The following KDM4C variants were observed in gnomAD, a reference collection of about 807,000 sequenced individuals.
KDM4C encodes lysine demethylase 4C, also known as lysine-specific demethylase 4C.
In KDM4C, 81 loss-of-function variants were observed where a neutral mutation model predicts 129.3. The observed-to-expected ratio is 0.63, with a 90% CI of 0.52 to 0.75. The LOEUF (loss-of-function observed/expected upper bound fraction) is 0.75, where lower values mean the gene tolerates loss of function less well. Among genes scored for constraint, KDM4C ranks in the 30% least tolerant of loss-of-function variants. KDM4C has a pLI of 0.00. For missense variants in KDM4C, 1,457 were observed against 1,304.0 expected (o/e 1.12, Z -1.81); for synonymous variants, 573 against 456.1 (o/e 1.26, Z -3.26).
At chr9:6,802,622 CTTAT>C (rs201281143) in intron 2 of KDM4C, among the ~76,000 whole-genome samples, 2 of 152,048 alleles carry the variant, frequency 1.3e-5, no homozygotes, top group East Asian at 1.9e-4. Flanking sequence ...GTTACATTTG[CTTAT>C]TTATTTATTT....
chr9:7,077,047 C>T (rs552752201), intron 17 of KDM4C: 16 of 985,312 alleles, frequency 1.6e-5, no homozygotes, highest in South Asian at 4.7e-5. Context: ...AGCAACTGAA[C>T]GTATTTTGAG....
At chr9:6,969,911 T>TG (rs1394126729) in intron 8 of KDM4C, among the ~76,000 whole-genome samples, 2 of 152,238 alleles carry the variant, frequency 1.3e-5, no homozygotes, top group Non-Finnish European at 2.9e-5. Flanking sequence ...CTCAGGCAGT[T>TG]GTTTCCCATG....
intron 17 of KDM4C, among the ~76,000 whole-genome samples, chr9:7,081,641 A>G (rs1340912777): frequency 2.0e-5 from 3 of 152,238 alleles, no homozygotes; most frequent in Admixed American, 1.3e-4. Flanking sequence ...ATTTCTTTGG[A>G]AAAACATTAA....
intron 8 of KDM4C, among the ~76,000 whole-genome samples, chr9:6,959,213 T>C (rs1489685950): frequency 6.6e-6 from 1 of 152,228 alleles, no homozygotes; most frequent in Non-Finnish European, 1.5e-5. Context: ...GTTTTCTTCA[T>C]GGTTTTATCG....
intron 4 of KDM4C, among the ~76,000 whole-genome samples, chr9:6,824,077 G>A (rs1413794415): frequency 6.6e-6 from 1 of 152,216 alleles, no homozygotes; most frequent in Non-Finnish European, 1.5e-5. Flanking sequence ...AACTGAAACA[G>A]TTCTGTTGGT....
chr9:7,151,477 A>G (rs1010902496), intron 19 of KDM4C, among the ~76,000 whole-genome samples: 9 of 152,086 alleles, frequency 5.9e-5, no homozygotes, highest in African/African-American at 2.2e-4. Flanking sequence ...GTGCCCAGCT[A>G]TGTTGCTGGG....
At chr9:6,761,252 G>GCC (rs1819436367) in intron 1 of KDM4C, among the ~76,000 whole-genome samples, 1 of 151,858 alleles carries the variant, frequency 6.6e-6, no homozygotes, top group Non-Finnish European at 1.5e-5. Flanking sequence ...CAGGTGATCC[G>GCC]CCCACCTTGG....
At chr9:6,790,626 AT>A (rs1188876508) in intron 1 of KDM4C, among the ~76,000 whole-genome samples, 5 of 124,796 alleles carry the variant, frequency 4.0e-5, no homozygotes, top group African/African-American at 1.6e-4. Flanking sequence ...CTCATTTCTA[AT>A]TTTTCTGTCA....
intron 15 of KDM4C, among the ~76,000 whole-genome samples, chr9:7,033,324 A>G (rs564961811): frequency 1.7e-4 from 26 of 152,234 alleles, no homozygotes; most frequent in African/African-American, 5.8e-4. Flanking sequence ...TGCTTTTGCT[A>G]TCTTATTCTT....
chr9:6,829,828 C>G lies in KDM4C; in HGVS notation c.435+15083C>G, dbSNP rs148479143. Among the ~76,000 whole-genome samples the G allele has an allele frequency of 5.6e-3, 856 of 152,232 alleles. 10 individuals carry two copies. The highest frequency in any genetic ancestry group is 0.02 in the African/African-American group (818 of 41,536). On this transcript the variant is annotated intron_variant, in intron 4 of 21. Transcript: ENST00000381309. ...TTGATAAGGTATATCTATTGGAAGC[C>G]CAGTTCCTGCTTTGGGCCTGCTGTT...
At chr9:6,773,122 C>T (rs376060367) in intron 1 of KDM4C, among the ~76,000 whole-genome samples, 23 of 151,974 alleles carry the variant, frequency 1.5e-4, no homozygotes, top group African/African-American at 5.6e-4. Flanking sequence ...GCCTCAGCCT[C>T]CTGAGTAACT....
intron 8 of KDM4C, among the ~76,000 whole-genome samples, chr9:6,906,921 G>C (rs892524195): frequency 6.6e-6 from 1 of 152,202 alleles, no homozygotes; most frequent in Admixed American, 6.5e-5. Context: ...TATGGGTGAC[G>C]TAGATAGGTA....
At chr9:6,808,184 T>C in intron 3 of KDM4C, among the ~76,000 whole-genome samples, 1 of 66,954 alleles carries the variant, frequency 1.5e-5, no homozygotes, top group Admixed American at 1.3e-4. Context: ...CCACCCCGTC[T>C]GGGAGGTGTG....
intron 8 of KDM4C, among the ~76,000 whole-genome samples, chr9:6,980,163 T>G (rs913267086): frequency 1.3e-5 from 2 of 152,238 alleles, no homozygotes; most frequent in Non-Finnish European, 2.9e-5. Flanking sequence ...ACCATTTGAA[T>G]GATAACTTCC....
At position 7,140,544 on chromosome 9, in the gene KDM4C, T is replaced by C. The variant is rs149554923; in HGVS notation, c.2781+12308T>C. Among the ~76,000 whole-genome samples, 1,097 of 152,298 alleles carry C rather than the reference T, an allele frequency of 7.2e-3. 9 individuals are homozygous for C. Among genetic ancestry groups the C allele is most frequent in the African/African-American group, 0.025 (1,047 of 41,556 alleles). On this transcript the variant is annotated intron_variant, in intron 19 of 21. Coordinates refer to ENST00000381309, the MANE Select transcript of KDM4C (RefSeq NM_015061.6). Reference sequence around the variant, plus strand: ...CTAATGCTTCCCATGAAGGCCCTTCTTTTGGTAGATAGGGAATTCCTGCAG... The same window carrying C: ...CTAATGCTTCCCATGAAGGCCCTTCCTTTGGTAGATAGGGAATTCCTGCAG...
chr9:7,023,014 A>G (rs565518158), intron 15 of KDM4C, among the ~76,000 whole-genome samples: 1 of 152,302 alleles, frequency 6.6e-6, no homozygotes, highest in African/African-American at 2.4e-5. Flanking sequence ...GTCATGATGA[A>G]TGATCTTTTT....
chr9:6,844,789 G>A (rs1210608703), intron 4 of KDM4C, among the ~76,000 whole-genome samples: 1 of 152,180 alleles, frequency 6.6e-6, no homozygotes, highest in Non-Finnish European at 1.5e-5. Flanking sequence ...CCGGGTTCAA[G>A]TGATTCTCCT....
At chr9:7,020,589 T>C (rs1481557971) in intron 15 of KDM4C, among the ~76,000 whole-genome samples, 2 of 152,334 alleles carry the variant, frequency 1.3e-5, no homozygotes, top group Admixed American at 1.3e-4. Flanking sequence ...GTATCAAAAG[T>C]CAATACTCTT....
chr9:6,805,329 A>T (rs568920221), intron 2 of KDM4C, among the ~76,000 whole-genome samples: 1 of 152,296 alleles, frequency 6.6e-6, no homozygotes, highest in African/African-American at 2.4e-5. Context: ...GTGTCTTTCA[A>T]TTTTATCTTT....
Sources: gnomAD v4.1 joint callset for allele counts (sites outside exome capture counted in the v4.1 genomes callset) on GRCh38, gnomAD v4.1.1 for gene constraint, MANE v1.5 for transcripts, NCBI Gene and HGNC (gene_info 2026-07-23, HGNC 2026-07-21) for gene names.